Variants in RNF144A observed in about 807,000 individuals in gnomAD.
RNF144A encodes the protein E3 ubiquitin-protein ligase RNF144A.
In RNF144A, 11 loss-of-function variants were observed where a neutral mutation model predicts 38.7. The ratio of observed to expected loss-of-function variants is 0.28; its 90% confidence interval spans 0.18 to 0.47. The LOEUF (loss-of-function observed/expected upper bound fraction) is 0.47, where lower values mean the gene tolerates loss of function less well. RNF144A is among the 20% of genes least tolerant of loss of function. The pLI is 0.99. For synonymous variants in RNF144A, 149 were observed against 143.9 expected (o/e 1.04, Z -0.25); for missense variants, 316 against 377.2 (o/e 0.84, Z 1.34).
At chr2:7,053,531 G>A in intron 6 of RNF144A, among the ~76,000 whole-genome samples, 1 of 152,062 alleles carries the variant, frequency 6.6e-6, no homozygotes, top group East Asian at 1.9e-4. Flanking sequence ...CTGTGTGACT[G>A]TGATCTCAAT....
chr2:7,055,465 C>T lies in RNF144A; in HGVS notation c.735-12751C>T, dbSNP rs1673706701. On this transcript the variant is annotated intron_variant, in intron 6 of 6. Transcript: ENST00000432850. ...AGTACTGACACCGCCATCCTCTCCA[C>T]TGTTCCTTCTCAAAACCATTCTTGA... 3.3e-5 allele frequency among the ~76,000 whole-genome samples: 5 copies of T among 152,232 alleles called. No individual in the cohort carries two copies. In the South Asian group the frequency reaches 8.3e-4, roughly 25 times the overall value.
intron 1 of RNF144A, among the ~76,000 whole-genome samples, chr2:6,932,277 C>T (rs558041200): frequency 5.9e-5 from 9 of 152,234 alleles, no homozygotes; most frequent in African/African-American, 2.2e-4. Flanking sequence ...CTTTTTCCAT[C>T]CCTTTATTTT....
chr2:6,969,276 A>G (rs1667855026), intron 2 of RNF144A, among the ~76,000 whole-genome samples: 1 of 152,196 alleles, frequency 6.6e-6, no homozygotes. Flanking sequence ...GGGCCTTTAC[A>G]GTGGTAATCA....
Position 6,941,824 on chromosome 2 carries a change from T to C in RNF144A, c.-12+677T>C, listed in dbSNP as rs1012830437. Among the ~76,000 whole-genome samples the C allele has an allele frequency of 6.6e-6, 1 of 152,220 alleles. No homozygotes were observed. The highest frequency in any genetic ancestry group is 2.4e-5 in the African/African-American group (1 of 41,454). On this transcript the variant is annotated intron_variant, in intron 2 of 8. Transcript: ENST00000320892. The surrounding 1 kb of genome is among the most constrained non-coding windows in gnomAD (Gnocchi z 6.5). ...GCAAGAGCGCTGTAGACAGAAGGGC[T>C]GGTGGCTGCAGCATACGGACAGCTG... is the stretch of plus-strand genomic sequence containing the variant.
intron 6 of RNF144A, among the ~76,000 whole-genome samples, chr2:7,059,345 C>A (rs952968660): frequency 3.3e-5 from 5 of 149,956 alleles, no homozygotes; most frequent in African/African-American, 1.2e-4. Flanking sequence ...GACTCCGCCT[C>A]AAAAAAAAAT....
rs1213975064 is a variant in RNF144A, at chr2:6,941,365, CTTTGGAAAGAT to C, written c.-12+221_-12+231del. 6.6e-6 allele frequency among the ~76,000 whole-genome samples: 1 copy of C among 152,174 alleles called. No individual in the cohort carries two copies. The highest frequency in any genetic ancestry group is 1.5e-5 in the Non-Finnish European group (1 of 68,032). ...TTTTATGCCATCATAGTTGTTTATA[CTTTGGAAAGAT>C]TTCCAGGTTTATTCATTTGCTGCTT... On this transcript the variant is annotated intron_variant, in intron 2 of 8. Coordinates refer to ENST00000320892, the MANE Select transcript of RNF144A (RefSeq NM_014746.6). This position sits in a 1 kb window ranked among gnomAD's most constrained non-coding sequence, Gnocchi z 6.5.
intron 5 of RNF144A, among the ~76,000 whole-genome samples, chr2:7,015,533 C>T (rs1315130111): frequency 2.0e-5 from 3 of 152,158 alleles, no homozygotes; most frequent in Non-Finnish European, 4.4e-5. Flanking sequence ...CAGAGCAGAA[C>T]ATGATTCTCA....
chr2:7,054,487 GCA>G, intron 6 of RNF144A, among the ~76,000 whole-genome samples: 1 of 152,218 alleles, frequency 6.6e-6, no homozygotes, highest in East Asian at 1.9e-4. Flanking sequence ...TTTCTGTCAT[GCA>G]AGTTAAAGTC....
At chr2:6,945,045 AAAAAG>A (rs1272294032) in intron 2 of RNF144A, among the ~76,000 whole-genome samples, 1 of 152,262 alleles carries the variant, frequency 6.6e-6, no homozygotes, top group Non-Finnish European at 1.5e-5. Context: ...TCAGTAGTTT[AAAAAG>A]AAAAGAAATT....
At chr2:6,996,187 C>A (rs572599112) in intron 2 of RNF144A, among the ~76,000 whole-genome samples, 1 of 152,230 alleles carries the variant, frequency 6.6e-6, no homozygotes, top group Non-Finnish European at 1.5e-5. Flanking sequence ...TCACCACCCC[C>A]ACCAAGCCCT....
intron 3 of RNF144A, among the ~76,000 whole-genome samples, chr2:6,997,740 G>A (rs550801702): frequency 5.9e-5 from 9 of 152,264 alleles, no homozygotes; most frequent in African/African-American, 2.2e-4. Flanking sequence ...AATGAAAAAA[G>A]AAAATGAGTG....
In RNF144A at chr2:7,043,070, G is replaced by T; in HGVS notation, c.*3310G>T. ...TTCAGTAGAGACGGGGTTTCACCAT[G>T]TTGGCCAGGCTACTCTCAAACTCCT... On this transcript the variant is annotated 3_prime_UTR_variant, in exon 9 of 9. Transcript: ENST00000320892. The T allele has an allele frequency of 1.7e-6, 1 of 581,036 alleles. No homozygotes were observed. The highest frequency in any genetic ancestry group is 2.2e-6 in the Non-Finnish European group (1 of 460,980). 36.0% of individuals were successfully genotyped at this position (581,036 alleles called of 1,614,324 possible).
chr2:6,935,141 GTCC>G (rs1205335845), intron 1 of RNF144A, among the ~76,000 whole-genome samples: 1 of 151,938 alleles, frequency 6.6e-6, no homozygotes, highest in African/African-American at 2.4e-5. Context: ...CCCTCCTTTT[GTCC>G]TCCTCCGCAT....
At chr2:7,008,336 C>T (rs576069746) in intron 3 of RNF144A, among the ~76,000 whole-genome samples, 3 of 152,316 alleles carry the variant, frequency 2.0e-5, no homozygotes, top group East Asian at 1.9e-4. Flanking sequence ...GCTGCAGGCC[C>T]GGCTGCAGGT....
At chr2:6,964,388 C>G (rs1381724926) in intron 2 of RNF144A, among the ~76,000 whole-genome samples, 3 of 152,164 alleles carry the variant, frequency 2.0e-5, no homozygotes, top group East Asian at 3.9e-4. Context: ...TAAATTAGTT[C>G]AACCCTTGTG....
chr2:7,000,267 T>G (rs1670016759), intron 3 of RNF144A, among the ~76,000 whole-genome samples: 1 of 152,210 alleles, frequency 6.6e-6, no homozygotes, highest in Non-Finnish European at 1.5e-5. Context: ...GAAGGTCAAA[T>G]GTAAAGCTGA....
chr2:7,075,290 C>A, the RNF144A span, among the ~76,000 whole-genome samples: 59 of 151,684 alleles, frequency 3.9e-4, no homozygotes, highest in African/African-American at 1.0e-3. Context: ...ATCCCCCCCC[C>A]CACACAGTGT....
At chr2:6,949,701 A>G (rs889046955) in intron 2 of RNF144A, among the ~76,000 whole-genome samples, 2 of 152,126 alleles carry the variant, frequency 1.3e-5, no homozygotes, top group African/African-American at 2.4e-5. Flanking sequence ...TGTTCTTTCA[A>G]TTCATTGACA....
chr2:7,019,915 G>A (rs1442766448), intron 5 of RNF144A, among the ~76,000 whole-genome samples: 2 of 152,192 alleles, frequency 1.3e-5, no homozygotes, highest in African/African-American at 4.8e-5. Flanking sequence ...TTTGAGAAGG[G>A]GAGGCCATCT....
Sources: allele counts gnomAD v4.1 joint callset (sites outside exome capture counted in the v4.1 genomes callset), GRCh38; gene constraint gnomAD v4.1.1; non-coding constraint Gnocchi (gnomAD v3.1); transcripts MANE v1.5; gene names NCBI Gene and HGNC (gene_info 2026-07-23, HGNC 2026-07-21).